Variants in PDCL3 observed in about 807,000 individuals in gnomAD.
PDCL3 encodes phosducin-like protein 3.
Under a neutral mutation model 26.5 loss-of-function variants are expected in PDCL3, and 22 were observed. The ratio of observed to expected loss-of-function variants is 0.83; its 90% CI spans 0.59 to 1.19. The LOEUF (loss-of-function observed/expected upper bound fraction) is 1.19. Among genes scored for constraint, PDCL3 ranks in the 50% most tolerant of loss-of-function variants. The pLI is 0.00. For synonymous variants in PDCL3, 81 were observed against 104.9 expected (o/e 0.77, Z 1.39); for missense variants, 246 against 294.1 (o/e 0.84, Z 1.20).
chr2:100,568,668 G>A (rs990437315), intron 2 of PDCL3, among the ~76,000 whole-genome samples: 15 of 152,000 alleles, frequency 9.9e-5, no homozygotes, highest in South Asian at 2.1e-4. Context: ...AGGGTGAGGC[G>A]GAATAGGAGA....
At chr2:100,575,339 G>T (rs1431813345) in intron 5 of PDCL3, among the ~76,000 whole-genome samples, 4 of 152,132 alleles carry the variant, frequency 2.6e-5, no homozygotes, top group African/African-American at 2.4e-5. Context: ...GTTTCACCGT[G>T]TTAGCCAGGA....
At chr2:100,570,273 GA>G (rs995812930) in intron 4 of PDCL3, among the ~76,000 whole-genome samples, 20 of 152,144 alleles carry the variant, frequency 1.3e-4, no homozygotes, top group African/African-American at 4.8e-4. Context: ...TTCTGTTTTT[GA>G]AAAGGAATTC....
intron 5 of PDCL3, chr2:100,572,030 C>CA (rs1675188332): frequency 3.9e-6 from 2 of 513,848 alleles, no homozygotes; most frequent in African/African-American, 3.8e-5. Context: ...TAAATATAAA[C>CA]ATTTTTTATA....
In PDCL3 at chr2:100,574,540, A is replaced by G. The variant is rs566764646; in HGVS notation, c.578-1814A>G. Among the ~76,000 whole-genome samples, 14 of 152,292 alleles carry G rather than the reference A, an allele frequency of 9.2e-5. No individual in the cohort carries two copies. The East Asian group carries it at 2.7e-3, about 29-fold the overall frequency. ...GGAGATTTAATAGAGGTACAATGTG[A>G]AATGATTACCACAATCCAAGTAATT... On this transcript the variant is annotated intron_variant, in intron 5 of 5. Coordinates refer to ENST00000264254, the MANE Select transcript of PDCL3 (RefSeq NM_024065.5).
At chr2:100,563,913 CTGT>C (rs1558694847) in intron 1 of PDCL3, among the ~76,000 whole-genome samples, 3 of 113,784 alleles carry the variant, frequency 2.6e-5, no homozygotes, top group South Asian at 4.2e-4. Flanking sequence ...GAGCCAGACA[CTGT>C]TTTTTTTTTT....
intron 5 of PDCL3, among the ~76,000 whole-genome samples, chr2:100,573,671 C>CA (rs67667967): frequency 0.025 from 2,649 of 104,762 alleles, 31 homozygotes; most frequent in South Asian, 0.08. Context: ...AACTCTATCT[C>CA]AAAAAAAAAA....
At chr2:100,574,481 C>T (rs1302842140) in intron 5 of PDCL3, among the ~76,000 whole-genome samples, 2 of 151,320 alleles carry the variant, frequency 1.3e-5, no homozygotes, top group Non-Finnish European at 2.9e-5. Context: ...GTATGATGAC[C>T]AAAACAATTG....
intron 1 of PDCL3, among the ~76,000 whole-genome samples, chr2:100,564,723 G>A (rs1675026148): frequency 6.6e-6 from 1 of 152,222 alleles, no homozygotes; most frequent in African/African-American, 2.4e-5. Flanking sequence ...CATTAGCAGT[G>A]TTCTTGCCAC....
chr2:100,566,710 G>C (rs1363772858), intron 2 of PDCL3, 81 bp downstream of exon 2: 2 of 1,574,260 alleles, frequency 1.3e-6, no homozygotes, highest in Admixed American at 3.5e-5. Flanking sequence ...CCAGGAGACA[G>C]GTTGGAGTGC....
chr2:100,563,702 C>T (rs1036146684), intron 1 of PDCL3, among the ~76,000 whole-genome samples: 1 of 151,362 alleles, frequency 6.6e-6, no homozygotes, highest in Non-Finnish European at 1.5e-5. Flanking sequence ...TGGTTAAAGC[C>T]TAAGGAGAAT....
At chr2:100,570,107 C>T (rs1235059866) in intron 4 of PDCL3, among the ~76,000 whole-genome samples, 2 of 152,060 alleles carry the variant, frequency 1.3e-5, no homozygotes, top group African/African-American at 4.8e-5. Context: ...GAGACTTTGT[C>T]TCAGAAAAAA....
At chr2:100,576,319 T>G (rs764668770) in intron 5 of PDCL3, 35 bp from the exon 6 acceptor site, 1 of 1,608,820 alleles carries the variant, frequency 6.2e-7, no homozygotes, top group South Asian at 1.1e-5. Context: ...TGCAGCACAG[T>G]GCCTTAGGCA....
chr2:100,563,031 C>T lies in PDCL3; in HGVS notation c.-37C>T. Reference sequence around the variant, plus strand: ...AGAGAGCTGAGGGGCGGGGGCGCTGCGGCACAGCTGGTTTGAGCAACTGAA... The same window carrying T: ...AGAGAGCTGAGGGGCGGGGGCGCTGTGGCACAGCTGGTTTGAGCAACTGAA... On this transcript the variant is annotated 5_prime_UTR_variant, in exon 1 of 6. Coordinates refer to ENST00000264254, the MANE Select transcript of PDCL3 (RefSeq NM_024065.5). The T allele has an allele frequency of 6.3e-7, 1 of 1,589,520 alleles. No individual in the cohort carries two copies. Among genetic ancestry groups the T allele is most frequent in the African/African-American group, 1.3e-5 (1 of 74,642 alleles).
chr2:100,564,157 G>A (rs959074124), intron 1 of PDCL3, among the ~76,000 whole-genome samples: 1 of 151,884 alleles, frequency 6.6e-6, no homozygotes. Flanking sequence ...ATGAGCCACC[G>A]CACCTGGCCT....
chr2:100,563,218 G>A, intron 1 of PDCL3, 145 bp downstream of exon 1: 1 of 1,029,142 alleles, frequency 9.7e-7, no homozygotes, highest in East Asian at 3.0e-5. Context: ...CCCTGCGCAG[G>A]CGCAGTGCGG....
chr2:100,569,077 GTTT>G (rs573688866), intron 3 of PDCL3, 56 bp downstream of exon 3: 10 of 1,315,256 alleles, frequency 7.6e-6, no homozygotes. Flanking sequence ...TTTTGTTTTG[GTTT>G]TTTTTTTGGC....
At chr2:100,575,246 C>T (rs939107996) in intron 5 of PDCL3, among the ~76,000 whole-genome samples, 3 of 152,206 alleles carry the variant, frequency 2.0e-5, no homozygotes, top group African/African-American at 4.8e-5. Context: ...CACCATTCTC[C>T]AGCCTCAGCC....
intron 5 of PDCL3, among the ~76,000 whole-genome samples, chr2:100,574,767 C>A (rs1675246049): frequency 6.6e-6 from 1 of 152,204 alleles, no homozygotes; most frequent in Admixed American, 6.5e-5. Context: ...CCCCTGATAA[C>A]CACCATTCTA....
At position 100,566,589 on chromosome 2, in the gene PDCL3, G is replaced by T. The variant is rs779261427; in HGVS notation, c.93G>T (p.Glu31Asp). ...PPKESLKELE[E>D]EAEEEQRILQ... is the part of the protein sequence containing the mutation. ...AGGAAAGTCTGAAAGAATTGGAAGA[G>T]GAGGCAGAAGAGGAGCAGCGCATCC... is the stretch of plus-strand genomic sequence containing the variant. The change falls in exon 2 of 6, where the codon GAG (glutamate) becomes GAT (aspartate). Residue 31 changes from glutamate (E) to aspartate (D), a missense_variant. Physicochemically the swap from Glu to Asp is conservative, Grantham distance 45 (BLOSUM62 2). Coordinates refer to ENST00000264254, the MANE Select transcript of PDCL3 (RefSeq NM_024065.5). The T allele has an allele frequency of 1.9e-6, 3 of 1,614,006 alleles. No individual in the cohort carries two copies. The highest frequency in any genetic ancestry group is 2.5e-6 in the Non-Finnish European group (3 of 1,179,914).
Sources: allele counts gnomAD v4.1 joint callset (sites outside exome capture counted in the v4.1 genomes callset), GRCh38; gene constraint gnomAD v4.1.1; transcripts MANE v1.5; gene names NCBI Gene and HGNC (gene_info 2026-07-23, HGNC 2026-07-21).